ST7: variants seen among roughly 807,000 people sequenced by gnomAD.
ST7 encodes suppressor of tumorigenicity 7 protein.
ST7 carries 28 observed loss-of-function variants against 78.7 expected under a neutral mutation model. The observed-to-expected ratio is 0.36, with a 90% CI of 0.26 to 0.49. The LOEUF (loss-of-function observed/expected upper bound fraction) is 0.49. Among genes scored for constraint, ST7 ranks in the 20% least tolerant of loss-of-function variants. ST7 has a pLI of 0.99. For missense variants in ST7, 418 were observed against 696.0 expected, an observed-to-expected ratio of 0.60 and a Z score of 4.49; for synonymous variants, 247 against 249.6, an observed-to-expected ratio of 0.99 and a Z score of 0.10.
chr7:117,023,390 C>A (rs1796027997), intron 1 of ST7, among the ~76,000 whole-genome samples: 1 of 152,192 alleles, frequency 6.6e-6, no homozygotes, highest in Non-Finnish European at 1.5e-5. Context: ...ACACTGCTTT[C>A]ATCAATATCT....
At chr7:117,081,542 C>T (rs1799774012) in intron 1 of ST7, among the ~76,000 whole-genome samples, 1 of 152,114 alleles carries the variant, frequency 6.6e-6, no homozygotes, top group Non-Finnish European at 1.5e-5. Context: ...CATCTTTTTA[C>T]TATCATAGTT....
chr7:117,005,795 T>C (rs1270416714), intron 1 of ST7, among the ~76,000 whole-genome samples: 2 of 151,968 alleles, frequency 1.3e-5, no homozygotes, highest in African/African-American at 2.4e-5. Context: ...TGTAAAAGAG[T>C]GGCCAAGTTA....
rs1186508060 is a variant in ST7 at position 117,190,446 on chromosome 7, A to G, written c.1152-388A>G. Among the ~76,000 whole-genome samples the G allele has an allele frequency of 6.6e-6, 1 of 152,126 alleles. No individual in the cohort carries two copies. Among genetic ancestry groups the G allele is most frequent in the Non-Finnish European group, 1.5e-5 (1 of 68,020 alleles). On this transcript the variant is annotated intron_variant, in intron 11 of 15. Coordinates refer to ENST00000323984, the MANE Select transcript of ST7 (RefSeq NM_001369598.1). The surrounding 1 kb of genome is among the most constrained non-coding windows in gnomAD (Gnocchi z 5.2). The stretch of plus-strand genomic sequence containing the variant: ...GACATTGGGTGGGAGGCCTCCTTTC[A>G]AATCCTTCCCAGTTCTGTTTTTAAC...
At chr7:117,067,061 T>G (rs1181548311) in intron 1 of ST7, among the ~76,000 whole-genome samples, 1 of 152,182 alleles carries the variant, frequency 6.6e-6, no homozygotes, top group African/African-American at 2.4e-5. Flanking sequence ...TCCATCCATT[T>G]TGTAACATGT....
chr7:117,154,434 C>T (rs1806529900), intron 9 of ST7, among the ~76,000 whole-genome samples: 1 of 152,154 alleles, frequency 6.6e-6, no homozygotes, highest in Admixed American at 6.5e-5. Context: ...AGAGGATTCC[C>T]TGTGTGGCTG....
intron 1 of ST7, chr7:116,968,351 CCCTCCTTCTTCCTT>C (rs1562983434): frequency 2.7e-6 from 1 of 372,052 alleles, no homozygotes; most frequent in Non-Finnish European, 5.3e-6. Flanking sequence ...CTCCCTCCCT[CCCTCCTTCTTCCTT>C]CTTCTTCCTT....
chr7:116,955,972 A>G (rs1479833900), intron 1 of ST7, among the ~76,000 whole-genome samples: 2 of 152,194 alleles, frequency 1.3e-5, no homozygotes, highest in Non-Finnish European at 2.9e-5. Flanking sequence ...TTTCAGTCAT[A>G]AAGAAAGATA....
At chr7:117,091,520 C>A (rs1230680775) in intron 1 of ST7, among the ~76,000 whole-genome samples, 1 of 152,080 alleles carries the variant, frequency 6.6e-6, no homozygotes, top group African/African-American at 2.4e-5. Context: ...AGTTACATGC[C>A]AGCATGTGAA....
intron 10 of ST7, among the ~76,000 whole-genome samples, chr7:117,180,553 T>C (rs1248819666): frequency 1.3e-5 from 2 of 152,150 alleles, no homozygotes; most frequent in African/African-American, 4.8e-5. Flanking sequence ...GTAGCTATAG[T>C]TAAAAAAATA....
At chr7:116,959,092 C>G (rs1429655780) in intron 1 of ST7, 2 of 439,956 alleles carry the variant, frequency 4.5e-6, no homozygotes, top group African/African-American at 2.0e-5. Context: ...ATTTTATCAC[C>G]CTGCCACGGC....
At chr7:117,045,571 C>T (rs1797452734) in intron 1 of ST7, among the ~76,000 whole-genome samples, 1 of 152,108 alleles carries the variant, frequency 6.6e-6, no homozygotes, top group African/African-American at 2.4e-5. Flanking sequence ...TCTCTCGTAC[C>T]CTATTTAATT....
chr7:117,168,234 T>G lies in ST7; in HGVS notation c.964-2628T>G, dbSNP rs1309649268. On this transcript the variant is annotated intron_variant, in intron 9 of 15. Coordinates refer to ENST00000323984, the MANE Select transcript of ST7 (RefSeq NM_001369598.1). ...CTCTTTAAGCTCCTAGCATCTTACC[T>G]TAAGTTCTGTTGGAACTGGGTGAGA... Among the ~76,000 whole-genome samples, 3 of 152,208 alleles carry G rather than the reference T, an allele frequency of 2.0e-5. No individual in the cohort carries two copies. In the East Asian group the frequency reaches 5.8e-4, roughly 29 times the overall value.
chr7:117,159,398 C>T (rs1467875003), intron 9 of ST7, among the ~76,000 whole-genome samples: 4 of 152,138 alleles, frequency 2.6e-5, no homozygotes, highest in Admixed American at 6.5e-5. Flanking sequence ...GGAGAGTTAG[C>T]GTTTTCACTC....
intron 2 of ST7, among the ~76,000 whole-genome samples, chr7:117,118,896 A>T (rs1347405522): frequency 6.6e-6 from 1 of 152,242 alleles, no homozygotes; most frequent in Non-Finnish European, 1.5e-5. Flanking sequence ...TTCACAGTAC[A>T]TAACAATTAG....
At chr7:116,984,110 C>A (rs1025971672) in intron 1 of ST7, among the ~76,000 whole-genome samples, 11 of 102,826 alleles carry the variant, frequency 1.1e-4, no homozygotes, top group African/African-American at 3.9e-4. Context: ...GTATTTATGT[C>A]AGCTGTGTGT....
In ST7 at chr7:117,009,257, G is replaced by GTTTTTTT. The variant is rs1171249318; in HGVS notation, c.151+55573_151+55579dup. 1.5e-3 allele frequency among the ~76,000 whole-genome samples: 28 copies of GTTTTTTT among 18,470 alleles called. 4 individuals carry two copies. The highest frequency in any genetic ancestry group is 2.1e-3 in the Non-Finnish European group (18 of 8,480). The allele number at this position is 18,470 out of a possible 152,430, so 12.1% of individuals were successfully genotyped here. ...TAAAGAACTTCTCCACTTTTTTTTT[G>GTTTTTTT]TTTTTTTTTTTTTGTTTTTGGCCTC... On this transcript the variant is annotated intron_variant, in intron 1 of 15. Coordinates refer to ENST00000323984, the MANE Select transcript of ST7 (RefSeq NM_001369598.1).
chr7:117,036,215 C>T (rs1044188294), intron 1 of ST7, among the ~76,000 whole-genome samples: 4 of 152,190 alleles, frequency 2.6e-5, no homozygotes, highest in East Asian at 1.9e-4. Flanking sequence ...GTTCCTGAAG[C>T]ACTAACATTT....
rs141716946 is a variant in ST7 at position 116,999,638 on chromosome 7, A to G, written c.151+45947A>G. 3.3e-3 allele frequency among the ~76,000 whole-genome samples: 507 copies of G among 152,234 alleles called. 1 individual carries two copies. Among genetic ancestry groups the G allele is most frequent in the Non-Finnish European group, 4.9e-3 (336 of 68,014 alleles). On this transcript the variant is annotated intron_variant, in intron 1 of 15. Transcript: ENST00000323984. ...CTTAGAAGATGATATCTAGAAGGGA[A>G]AGAAAGGTTAGTCATGTTCCTAGTA...
chr7:117,203,358 G>C (rs1429180956), intron 12 of ST7, among the ~76,000 whole-genome samples: 2 of 152,220 alleles, frequency 1.3e-5, no homozygotes, highest in East Asian at 3.8e-4. Context: ...CAGAGTTAGT[G>C]TTAAGGAGTT....
Sources: allele counts gnomAD v4.1 joint callset (sites outside exome capture counted in the v4.1 genomes callset), GRCh38; gene constraint gnomAD v4.1.1; non-coding constraint Gnocchi (gnomAD v3.1); transcripts MANE v1.5; gene names NCBI Gene and HGNC (gene_info 2026-07-23, HGNC 2026-07-21).